The following C18orf54 variants were observed in gnomAD, a reference collection of about 807,000 sequenced individuals.
The protein encoded by C18orf54 is lung adenoma susceptibility protein 2.
Under a neutral mutation model 49.3 loss-of-function variants are expected in C18orf54, and 49 were observed. The observed-to-expected ratio is 0.99, with a 90% confidence interval of 0.79 to 1.26. The LOEUF (loss-of-function observed/expected upper bound fraction) is 1.26, where lower values mean the gene tolerates loss of function less well. Ranked by LOEUF, C18orf54 falls within the 50% of genes most tolerant of loss-of-function variation. C18orf54 has a pLI of 0.00. For synonymous variants in C18orf54, 211 were observed against 216.6 expected, an observed-to-expected ratio of 0.97 and a Z score of 0.23; for missense variants, 687 against 620.6, an observed-to-expected ratio of 1.11 and a Z score of -1.14.
rs570866251 is a variant in C18orf54, at chr18:54,379,701, A to G, written c.*1455A>G. 4 of 152,018 alleles carry G rather than the reference A, an allele frequency of 2.6e-5. No homozygotes were observed. In the East Asian group the frequency reaches 7.7e-4, roughly 29 times the overall value. The allele number at this position is 152,018 out of a possible 1,614,324, so 9.4% of individuals were successfully genotyped here. ...CTTTGAAATTAAAGTATGCCTGGCTATTAAAAATGCAGATTTTAGGTGGGT... is the reference window on the plus strand; with the variant it reads ...CTTTGAAATTAAAGTATGCCTGGCTGTTAAAAATGCAGATTTTAGGTGGGT... On this transcript the variant is annotated 3_prime_UTR_variant, in exon 9 of 9. Coordinates refer to ENST00000620105, the MANE Select transcript of C18orf54 (RefSeq NM_001288980.2).
At chr18:54,369,867 G>T (rs571628791) in intron 6 of C18orf54, among the ~76,000 whole-genome samples, 9 of 152,142 alleles carry the variant, frequency 5.9e-5, no homozygotes, top group Admixed American at 5.2e-4. Context: ...CTTTGGTGTG[G>T]TTGTGCTGTT....
intron 6 of C18orf54, among the ~76,000 whole-genome samples, chr18:54,372,253 A>T (rs1796401016): frequency 6.6e-6 from 1 of 151,994 alleles, no homozygotes. Context: ...GATATGCCAA[A>T]CTGTTAATCA....
rs908500449 is a variant in C18orf54, at chr18:54,379,793, A to G, written c.*1547A>G. ...AAAAATACACTATTAGACAAGTTCT[A>G]AAGAAGGCAAGGAGATAAAGGCATC... On this transcript the variant is annotated 3_prime_UTR_variant, in exon 9 of 9. Transcript: ENST00000620105. The G allele has an allele frequency of 6.6e-6, 1 of 152,012 alleles. No individual in the cohort carries two copies. The highest frequency in any genetic ancestry group is 2.4e-5 in the African/African-American group (1 of 41,430). 9.4% of individuals were successfully genotyped at this position (152,012 alleles called of 1,614,324 possible). A position where few individuals can be genotyped will look rare whatever the true frequency, so the allele number is the denominator to read the frequency against.
intron 6 of C18orf54, among the ~76,000 whole-genome samples, chr18:54,369,587 G>A (rs1186401861): frequency 1.4e-5 from 2 of 143,730 alleles, no homozygotes; most frequent in Admixed American, 7.4e-5. Flanking sequence ...TCCTGCATTA[G>A]CCTCCCAGGT....
chr18:54,368,556 A>T (rs1327373272), intron 6 of C18orf54, among the ~76,000 whole-genome samples: 1 of 152,080 alleles, frequency 6.6e-6, no homozygotes, highest in Non-Finnish European at 1.5e-5. Flanking sequence ...TAATATATTG[A>T]TAAGTTAATG....
chr18:54,374,989 T>C (rs757798926), intron 8 of C18orf54, among the ~76,000 whole-genome samples: 17 of 151,970 alleles, frequency 1.1e-4, no homozygotes, highest in Non-Finnish European at 1.9e-4. Context: ...ACACTAGACA[T>C]GTAAACTTAC....
intron 6 of C18orf54, among the ~76,000 whole-genome samples, chr18:54,367,260 A>C (rs1405013452): frequency 6.6e-6 from 1 of 151,858 alleles, no homozygotes; most frequent in Non-Finnish European, 1.5e-5. Flanking sequence ...TATTATCATT[A>C]TGGTTTGGTA....
At chr18:54,363,332 T>C (rs940962645) in intron 5 of C18orf54, among the ~76,000 whole-genome samples, 1 of 152,186 alleles carries the variant, frequency 6.6e-6, no homozygotes, top group African/African-American at 2.4e-5. Context: ...CTTTTCTTTT[T>C]TTTGAGATGG....
At chr18:54,359,953 T>C (rs2089229482) in intron 2 of C18orf54, among the ~76,000 whole-genome samples, 1 of 152,326 alleles carries the variant, frequency 6.6e-6, no homozygotes, top group East Asian at 1.9e-4. Flanking sequence ...GAAAAGTGTA[T>C]ATTGCTAACT....
chr18:54,376,196 C>G (rs991698975), intron 8 of C18orf54, among the ~76,000 whole-genome samples: 3 of 152,110 alleles, frequency 2.0e-5, no homozygotes, highest in Non-Finnish European at 2.9e-5. Flanking sequence ...GGATGGCTAT[C>G]CAGTTTTAAG....
intron 8 of C18orf54, among the ~76,000 whole-genome samples, chr18:54,375,373 G>C (rs2089553532): frequency 6.6e-6 from 1 of 151,014 alleles, no homozygotes; most frequent in Non-Finnish European, 1.5e-5. Context: ...CAGGTAGTGT[G>C]ATTTGAAAGT....
At chr18:54,360,411 A>G (rs1218237383) in intron 2 of C18orf54, 116 bp from the exon 3 acceptor site, 2 of 632,106 alleles carry the variant, frequency 3.2e-6, no homozygotes, top group Admixed American at 3.0e-5. Context: ...AGTGTCTGTT[A>G]TAGATAATGG....
At position 54,374,237 on chromosome 18, in the gene C18orf54, A is replaced by C. The variant is rs1438014635; in HGVS notation, c.1482A>C (p.Lys494Asn). ...IKQVSEDDFSKLQLKESMIPI... is the reference protein window; with the variant it reads ...IKQVSEDDFSNLQLKESMIPI... The stretch of plus-strand genomic sequence containing the variant: ...AGGTTTCAGAAGATGATTTCTCTAA[A>C]TTACAGTTGAAGGAAAGTATGATTC... The change falls in exon 8 of 9, where the codon AAA (lysine) becomes AAC (asparagine). Residue 494 changes from lysine to asparagine, a missense_variant. Coordinates refer to ENST00000620105, the MANE Select transcript of C18orf54 (RefSeq NM_001288980.2). 4 of 1,581,378 alleles carry C rather than the reference A, an allele frequency of 2.5e-6. No individual in the cohort carries two copies. The East Asian group carries it at 6.8e-5, about 27-fold the overall frequency.
chr18:54,361,585 C>G, intron 3 of C18orf54, 58 bp from the exon 4 acceptor site: 1 of 1,378,074 alleles, frequency 7.3e-7, no homozygotes, highest in South Asian at 1.5e-5. Context: ...TTCTCATTTA[C>G]TGTTGGATAT....
chr18:54,358,591 C>T (rs1162567701), intron 1 of C18orf54, 183 bp from the exon 2 acceptor site: 2 of 152,212 alleles, frequency 1.3e-5, no homozygotes, highest in African/African-American at 2.4e-5. Context: ...ACGATGCGCA[C>T]TGCTGGAGAC....
intron 6 of C18orf54, among the ~76,000 whole-genome samples, chr18:54,368,070 A>G (rs985162582): frequency 1.3e-5 from 2 of 151,668 alleles, no homozygotes; most frequent in Non-Finnish European, 2.9e-5. Flanking sequence ...TTTGTTGCTC[A>G]TATTGTGAAT....
At chr18:54,377,014 TG>T (rs902992472) in intron 8 of C18orf54, among the ~76,000 whole-genome samples, 1 of 65,376 alleles carries the variant, frequency 1.5e-5, no homozygotes, top group Admixed American at 1.6e-4. Flanking sequence ...ACACAGCTTA[TG>T]TTTTTTTTTT....
chr18:54,380,944 G>A lies in C18orf54; in HGVS notation c.*2698G>A, dbSNP rs1270499115. On this transcript the variant is annotated 3_prime_UTR_variant, in exon 9 of 9. Transcript: ENST00000620105. ...TTGTCAAAAGGCAAGTAGCATGAAA[G>A]AAGACAGAAGAAGCAAAAGGCTAAT... The A allele has an allele frequency of 6.6e-6, 1 of 152,142 alleles. No homozygotes were observed. The highest frequency in any genetic ancestry group is 1.5e-5 in the Non-Finnish European group (1 of 67,994). 9.4% of individuals were successfully genotyped at this position (152,142 alleles called of 1,614,324 possible). A position where few individuals can be genotyped will look rare whatever the true frequency, so the allele number is the denominator to read the frequency against.
In C18orf54 at chr18:54,380,643, C is replaced by T. The variant is rs2089652258; in HGVS notation, c.*2397C>T. ...TCCTGGGTTTGTTTTGGGTATATGT[C>T]ATTATAGTTATGTTATTTCTTGTTG... On this transcript the variant is annotated 3_prime_UTR_variant, in exon 9 of 9. Transcript: ENST00000620105. 1 of 151,980 alleles carries T rather than the reference C, an allele frequency of 6.6e-6. No individual in the cohort carries two copies. Among genetic ancestry groups the T allele is most frequent in the Non-Finnish European group, 1.5e-5 (1 of 67,944 alleles). The allele number at this position is 151,980 out of a possible 1,614,324, so 9.4% of individuals were successfully genotyped here.
Sources: gnomAD v4.1 joint callset for allele counts (sites outside exome capture counted in the v4.1 genomes callset) on GRCh38, gnomAD v4.1.1 for gene constraint, MANE v1.5 for transcripts, NCBI Gene and HGNC (gene_info 2026-07-23, HGNC 2026-07-21) for gene names.